The following SPTLC2 variants were observed in gnomAD, a reference collection of about 807,000 sequenced individuals.
SPTLC2 encodes serine palmitoyltransferase long chain base subunit 2.
Under a neutral mutation model 62.0 loss-of-function variants are expected in SPTLC2, and 21 were observed. That is an observed-to-expected ratio of 0.34 (90% CI 0.24 to 0.49). The LOEUF is 0.49. Among genes scored for constraint, SPTLC2 ranks in the 20% least tolerant of loss-of-function variants. The pLI is 0.99. For missense variants in SPTLC2, 511 were observed against 713.0 expected (o/e 0.72, Z 3.23); for synonymous variants, 261 against 261.8 (o/e 1.00, Z 0.03).
chr14:77,541,129 A>C (rs2079498587), intron 9 of SPTLC2, among the ~76,000 whole-genome samples: 1 of 152,074 alleles, frequency 6.6e-6, no homozygotes, highest in South Asian at 2.1e-4. Context: ...GCCAGGCTCA[A>C]GTGATCCTCC....
chr14:77,523,848 AC>A (rs1171521950), intron 9 of SPTLC2, among the ~76,000 whole-genome samples: 3 of 152,162 alleles, frequency 2.0e-5, no homozygotes, highest in Admixed American at 2.0e-4. Flanking sequence ...GTCCAACATT[AC>A]CTAAAGGAAA....
chr14:77,596,360 G>A (rs1288330800), intron 2 of SPTLC2, among the ~76,000 whole-genome samples: 3 of 150,674 alleles, frequency 2.0e-5, no homozygotes, highest in East Asian at 1.9e-4. Flanking sequence ...AAAATTAGCC[G>A]GGCGTGGTGG....
chr14:77,550,979 T>A (rs534814038), intron 9 of SPTLC2, among the ~76,000 whole-genome samples: 1 of 151,780 alleles, frequency 6.6e-6, no homozygotes, highest in Admixed American at 6.6e-5. Flanking sequence ...ATGTGCCACT[T>A]TATTCGATGC....
chr14:77,616,251 G>A (rs920594905), intron 1 of SPTLC2, among the ~76,000 whole-genome samples, 197 bp downstream of exon 1: 10 of 152,152 alleles, frequency 6.6e-5, no homozygotes, highest in Admixed American at 6.5e-4. Flanking sequence ...GCGCGGAGAG[G>A]TGGGGAGCCC....
At chr14:77,614,920 G>A (rs1163963118) in intron 1 of SPTLC2, among the ~76,000 whole-genome samples, 2 of 150,596 alleles carry the variant, frequency 1.3e-5, no homozygotes, top group Admixed American at 6.6e-5. Flanking sequence ...GCAGTGAGCC[G>A]AGATCGCGCC....
intron 2 of SPTLC2, among the ~76,000 whole-genome samples, chr14:77,593,677 A>G (rs1462245987): frequency 6.6e-6 from 1 of 152,230 alleles, no homozygotes; most frequent in Non-Finnish European, 1.5e-5. Flanking sequence ...CCTTACATCA[A>G]AGAATTAACA....
chr14:77,561,539 AG>A (rs976312842), intron 6 of SPTLC2, among the ~76,000 whole-genome samples: 1 of 151,776 alleles, frequency 6.6e-6, no homozygotes, highest in African/African-American at 2.4e-5. Context: ...TGAACTCGGG[AG>A]GCAGAGGTTG....
intron 1 of SPTLC2, among the ~76,000 whole-genome samples, chr14:77,611,293 ACT>A (rs1362805458): frequency 6.7e-6 from 1 of 150,316 alleles, no homozygotes; most frequent in Middle Eastern, 3.2e-3. Flanking sequence ...ACAGAGCAAG[ACT>A]CTGTCTCAAA....
intron 1 of SPTLC2, among the ~76,000 whole-genome samples, chr14:77,611,153 A>T (rs1326936184): frequency 6.6e-6 from 1 of 150,392 alleles, no homozygotes; most frequent in Non-Finnish European, 1.5e-5. Flanking sequence ...AAAAAAAAAA[A>T]TTAGCCGGGT....
At chr14:77,569,844 T>TTAATATTTTATATATATATTATAAA in intron 5 of SPTLC2, among the ~76,000 whole-genome samples, 1 of 32,670 alleles carries the variant, frequency 3.1e-5, no homozygotes, top group African/African-American at 6.5e-5. Flanking sequence ...ATATACAATA[T>TTAATATTTTATATATATATTATAAA]TATATATATG....
At chr14:77,554,894 T>C (rs544615790) in intron 8 of SPTLC2, 21 of 256,280 alleles carry the variant, frequency 8.2e-5, no homozygotes, top group African/African-American at 4.4e-4. Flanking sequence ...CCTGTCTCCA[T>C]GTTCACTCAT....
chr14:77,610,210 G>T (rs546222559), intron 1 of SPTLC2, among the ~76,000 whole-genome samples: 8 of 152,196 alleles, frequency 5.3e-5, no homozygotes, highest in Admixed American at 1.3e-4. Context: ...GCACCATCTT[G>T]GCTCACTGCA....
intron 5 of SPTLC2, 140 bp from the exon 6 acceptor site, chr14:77,562,629 G>C (rs1275229417): frequency 1.1e-5 from 7 of 662,738 alleles, no homozygotes; most frequent in Non-Finnish European, 1.8e-5. Context: ...ATTTTAAGAA[G>C]AGGAAAAAGG....
chr14:77,592,358 C>T (rs2079822768), intron 2 of SPTLC2, among the ~76,000 whole-genome samples: 1 of 152,048 alleles, frequency 6.6e-6, no homozygotes, highest in South Asian at 2.1e-4. Context: ...TGGTCTTGAA[C>T]TCCTGACCTC....
chr14:77,561,693 G>GACAAAA (rs906956010), intron 6 of SPTLC2, among the ~76,000 whole-genome samples: 8 of 151,250 alleles, frequency 5.3e-5, no homozygotes, highest in Admixed American at 6.6e-5. Flanking sequence ...TTTTAGACAA[G>GACAAAA]ACAAAAACAA....
intron 1 of SPTLC2, among the ~76,000 whole-genome samples, chr14:77,598,805 C>A (rs1940172822): frequency 6.6e-6 from 1 of 151,842 alleles, no homozygotes; most frequent in South Asian, 2.1e-4. Flanking sequence ...GACATGGTGG[C>A]ACATGCCTGT....
chr14:77,552,387 G>A (rs879194840), intron 8 of SPTLC2, among the ~76,000 whole-genome samples, 165 bp from the exon 9 acceptor site: 15 of 152,172 alleles, frequency 9.9e-5, no homozygotes, highest in Admixed American at 2.6e-4. Context: ...CATACCGCTG[G>A]CAACAACTGG....
intron 9 of SPTLC2, among the ~76,000 whole-genome samples, chr14:77,538,040 T>C (rs749789495): frequency 2.6e-5 from 4 of 152,256 alleles, no homozygotes; most frequent in Non-Finnish European, 5.9e-5. Context: ...CACACTCTTA[T>C]TAATTTTAAC....
chr14:77,604,034 T>C (rs2079891713), intron 1 of SPTLC2, among the ~76,000 whole-genome samples: 1 of 152,246 alleles, frequency 6.6e-6, no homozygotes, highest in Non-Finnish European at 1.5e-5. Flanking sequence ...TCTGGTTTTG[T>C]GGTGCACACC....
Sources: allele counts gnomAD v4.1 joint callset (sites outside exome capture counted in the v4.1 genomes callset), GRCh38; gene constraint gnomAD v4.1.1; transcripts MANE v1.5; gene names NCBI Gene and HGNC (gene_info 2026-07-23, HGNC 2026-07-21).